Variants in TTC28 observed in about 807,000 individuals in gnomAD.
TTC28 encodes tetratricopeptide repeat protein 28.
A neutral mutation model predicts 198.0 loss-of-function variants in TTC28; 61 were observed. The observed-to-expected ratio is 0.31, with a 90% CI of 0.25 to 0.38. TTC28 has a LOEUF of 0.38. TTC28 is among the 10% of genes least tolerant of loss of function. The pLI is 1.00. For synonymous variants in TTC28, 1,171 were observed against 1,297.8 expected, an observed-to-expected ratio of 0.90 and a Z score of 2.10; for missense variants, 2,678 against 3,164.0, an observed-to-expected ratio of 0.85 and a Z score of 3.69.
chr22:28,654,471 G>A (rs905111826), intron 1 of TTC28, among the ~76,000 whole-genome samples: 1 of 152,106 alleles, frequency 6.6e-6, no homozygotes, highest in African/African-American at 2.4e-5. Flanking sequence ...GGGATTACAG[G>A]TGCCCGCCAC....
intron 2 of TTC28, among the ~76,000 whole-genome samples, chr22:28,609,663 C>G (rs917704379): frequency 6.6e-6 from 1 of 152,050 alleles, no homozygotes; most frequent in Non-Finnish European, 1.5e-5. Flanking sequence ...GGACAGACAC[C>G]GAGCTAGCTG....
At chr22:28,198,909 G>A (rs1170945765) in intron 5 of TTC28, among the ~76,000 whole-genome samples, 3 of 152,078 alleles carry the variant, frequency 2.0e-5, no homozygotes, top group African/African-American at 7.2e-5. Flanking sequence ...TGAGTCACAG[G>A]CCACAAGTAC....
intron 5 of TTC28, among the ~76,000 whole-genome samples, chr22:28,195,683 A>C (rs1170797692): frequency 2.2e-5 from 2 of 91,266 alleles, no homozygotes; most frequent in African/African-American, 8.7e-5. Context: ...ACTCCCATTC[A>C]CAATTGCTTC....
In TTC28 at chr22:28,101,191, A is replaced by C; in HGVS notation, c.3397T>G (p.Leu1133Val). ...CTTACCTGGTGTTGGGCCTCCTCCAAGTTTCCACTAGCCCAAAGGGAGAGG... is the reference window on the plus strand; with the variant it reads ...CTTACCTGGTGTTGGGCCTCCTCCACGTTTCCACTAGCCCAAAGGGAGAGG... ...LGLSLWASGNLEEAQHQLYRA... is the reference protein window; with the variant it reads ...LGLSLWASGNVEEAQHQLYRA... The change falls in exon 9 of 23, where the codon TTG becomes GTG. Residue 1133 changes from leucine to valine, a missense_variant. By Grantham distance (32) the Leu-to-Val change is conservative. This residue lies in a region of TTC28 where 727 missense variants were observed against 861.9 expected (regional missense o/e 0.84). Transcript: ENST00000397906. 6.4e-7 allele frequency: 1 copy of C among 1,551,330 alleles called. No homozygotes were observed. Among genetic ancestry groups the C allele is most frequent in the Non-Finnish European group, 8.7e-7 (1 of 1,146,850 alleles).
At chr22:28,436,795 T>C (rs1233127987) in intron 2 of TTC28, among the ~76,000 whole-genome samples, 1 of 152,240 alleles carries the variant, frequency 6.6e-6, no homozygotes, top group African/African-American at 2.4e-5. Flanking sequence ...GCTGAGAGGC[T>C]GGACTAGAAT....
intron 2 of TTC28, among the ~76,000 whole-genome samples, chr22:28,419,012 G>A (rs577937466): frequency 1.3e-5 from 2 of 152,216 alleles, no homozygotes; most frequent in African/African-American, 4.8e-5. Context: ...TAGGAGCAGA[G>A]TCTGGAAATG....
At chr22:28,545,529 T>C (rs939696185) in intron 2 of TTC28, among the ~76,000 whole-genome samples, 1 of 152,122 alleles carries the variant, frequency 6.6e-6, no homozygotes, top group African/African-American at 2.4e-5. Context: ...CAGTGAGCTA[T>C]GATTGTGCCA....
chr22:28,384,850 T>TA (rs1452852513), intron 2 of TTC28, among the ~76,000 whole-genome samples: 1 of 152,018 alleles, frequency 6.6e-6, no homozygotes, highest in Non-Finnish European at 1.5e-5. Flanking sequence ...CTTTAAAAAT[T>TA]AGACAGGTGG....
At chr22:28,232,168 CTCCAG>C (rs1363547318) in intron 5 of TTC28, among the ~76,000 whole-genome samples, 2 of 152,220 alleles carry the variant, frequency 1.3e-5, no homozygotes, top group Non-Finnish European at 2.9e-5. Context: ...ATTTCAACCA[CTCCAG>C]CACAGCTGTT....
chr22:28,071,979 T>C (rs990441074), intron 12 of TTC28, among the ~76,000 whole-genome samples: 2 of 152,174 alleles, frequency 1.3e-5, no homozygotes. Flanking sequence ...AAGAGTTTCA[T>C]AAGCTGGCTT....
At chr22:28,359,668 G>T (rs1396555023) in intron 2 of TTC28, among the ~76,000 whole-genome samples, 1 of 152,096 alleles carries the variant, frequency 6.6e-6, no homozygotes, top group Non-Finnish European at 1.5e-5. Flanking sequence ...CTGATTCATG[G>T]TAAGTCCAAG....
chr22:28,247,522 G>A (rs10483146), intron 5 of TTC28, among the ~76,000 whole-genome samples: 19,989 of 152,222 alleles, frequency 0.13, 1,790 homozygotes, highest in Non-Finnish European at 0.2. Flanking sequence ...CCGTGAGACA[G>A]AGATGGAAAC....
At chr22:28,018,558 C>A (rs13054964) in intron 13 of TTC28, among the ~76,000 whole-genome samples, 6,170 of 152,280 alleles carry the variant, frequency 0.041, 185 homozygotes, top group Non-Finnish European at 0.053. Flanking sequence ...CCTGCCCACG[C>A]CTCTTCCTTA....
intron 2 of TTC28, among the ~76,000 whole-genome samples, chr22:28,627,409 T>C (rs979301904): frequency 5.3e-5 from 8 of 151,902 alleles, no homozygotes; most frequent in African/African-American, 1.9e-4. Flanking sequence ...AGTTCGCAAA[T>C]GGTATCACAT....
chr22:28,302,372 C>G (rs1450717257), intron 3 of TTC28, among the ~76,000 whole-genome samples: 1 of 152,190 alleles, frequency 6.6e-6, no homozygotes, highest in Admixed American at 6.5e-5. Context: ...CACATCCACA[C>G]CACTACGCCT....
chr22:28,163,202 G>A lies in TTC28; in HGVS notation c.1331C>T (p.Ala444Val). ...TCTCTCCAAATCCTGCATGCACCTGGCAGCATGGCCTAGTCCAGCATAGGC... is the reference window on the plus strand; with the variant it reads ...TCTCTCCAAATCCTGCATGCACCTGACAGCATGGCCTAGTCCAGCATAGGC... ...MRAYAGLGHA[A>V]RCMQDLERAK... is the part of the protein sequence containing the mutation. Residue 444 changes from alanine (A) to valine (V), a missense_variant, in exon 6 of 23, where the codon GCC (alanine) becomes GTC (valine). Ala to Val is a moderately conservative substitution (Grantham distance 64, BLOSUM62 0). Coordinates refer to ENST00000397906, the MANE Select transcript of TTC28 (RefSeq NM_001145418.2). The A allele has an allele frequency of 6.4e-7, 1 of 1,551,656 alleles. No individual in the cohort carries two copies. Among genetic ancestry groups the A allele is most frequent in the Non-Finnish European group, 8.7e-7 (1 of 1,146,994 alleles).
At chr22:28,006,199 G>C (rs1164554785) in intron 14 of TTC28, among the ~76,000 whole-genome samples, 1 of 152,102 alleles carries the variant, frequency 6.6e-6, no homozygotes, top group Non-Finnish European at 1.5e-5. Context: ...AGTAGGGTTG[G>C]GGGTAGGAGC....
At chr22:27,988,243 C>T (rs939359002) in intron 21 of TTC28, among the ~76,000 whole-genome samples, 2 of 149,284 alleles carry the variant, frequency 1.3e-5, no homozygotes, top group African/African-American at 5.0e-5. Flanking sequence ...ACCCACAAAA[C>T]AGGTTAGACA....
rs1172184014 is a variant in TTC28 at position 28,093,059 on chromosome 22, G to C, written c.3932+1021C>G. Reference sequence around the variant, plus strand: ...GGCTCTGACACTAACTTGGCTGTCAGCAAGTCCTATTTCAGTGTTAACTTC... The same window carrying C: ...GGCTCTGACACTAACTTGGCTGTCACCAAGTCCTATTTCAGTGTTAACTTC... On this transcript the variant is annotated intron_variant, in intron 12 of 22. Coordinates refer to ENST00000397906, the MANE Select transcript of TTC28 (RefSeq NM_001145418.2). Among the ~76,000 whole-genome samples, 3 of 152,172 alleles carry C rather than the reference G, an allele frequency of 2.0e-5. No homozygotes were observed. The South Asian group carries it at 6.2e-4, about 32-fold the overall frequency.
Sources: allele counts gnomAD v4.1 joint callset (sites outside exome capture counted in the v4.1 genomes callset), GRCh38; gene constraint gnomAD v4.1.1; regional missense constraint gnomAD v4.1.1; transcripts MANE v1.5; gene names NCBI Gene and HGNC (gene_info 2026-07-23, HGNC 2026-07-21).